UGGT2: variants seen among roughly 807,000 people sequenced by gnomAD.
UGGT2 encodes the protein UDP-glucose:glycoprotein glucosyltransferase 2.
Under a neutral mutation model 192.1 loss-of-function variants are expected in UGGT2, and 180 were observed. That is an observed-to-expected ratio of 0.94 (90% CI 0.83 to 1.06). The LOEUF is 1.06. UGGT2 is among the 50% of genes least tolerant of loss of function. The pLI is 0.00. For synonymous variants in UGGT2, 580 were observed against 591.0 expected, an observed-to-expected ratio of 0.98 and a Z score of 0.27; for missense variants, 1,849 against 1,795.7, an observed-to-expected ratio of 1.03 and a Z score of -0.54.
At chr13:96,021,398 A>G (rs2052510949) in intron 4 of UGGT2, among the ~76,000 whole-genome samples, 1 of 152,204 alleles carries the variant, frequency 6.6e-6, no homozygotes, top group Admixed American at 6.5e-5. Context: ...TTTCCTTTAA[A>G]AGATGCACTA....
intron 22 of UGGT2, among the ~76,000 whole-genome samples, chr13:95,899,785 C>T (rs1021450984): frequency 1.3e-5 from 2 of 152,094 alleles, no homozygotes; most frequent in Non-Finnish European, 1.5e-5. Context: ...CAGAGCTCTA[C>T]ATATCTCACT....
chr13:95,920,462 G>T (rs945458392), intron 20 of UGGT2, among the ~76,000 whole-genome samples: 1 of 151,548 alleles, frequency 6.6e-6, no homozygotes, highest in Non-Finnish European at 1.5e-5. Context: ...TCTGACCAAG[G>T]TCTAATATCC....
chr13:95,930,575 G>A (rs1389264402), intron 17 of UGGT2, among the ~76,000 whole-genome samples: 2 of 152,078 alleles, frequency 1.3e-5, no homozygotes, highest in Non-Finnish European at 2.9e-5. Context: ...GTAGGTGTGT[G>A]GCTTTATTTC....
intron 31 of UGGT2, among the ~76,000 whole-genome samples, chr13:95,861,191 G>A (rs879901794): frequency 3.9e-5 from 6 of 151,998 alleles, no homozygotes; most frequent in Non-Finnish European, 8.8e-5. Flanking sequence ...GCTTGACATG[G>A]CCATATCTAG....
At chr13:95,996,898 T>C (rs2051640754) in intron 6 of UGGT2, among the ~76,000 whole-genome samples, 1 of 152,196 alleles carries the variant, frequency 6.6e-6, no homozygotes, top group Non-Finnish European at 1.5e-5. Flanking sequence ...TTTATAGTCA[T>C]TTCCCTTCTC....
In UGGT2 at chr13:95,986,366, T is replaced by C; in HGVS notation, c.998A>G (p.Lys333Arg). 1.9e-6 allele frequency: 3 copies of C among 1,604,848 alleles called. No individual in the cohort carries two copies. The highest frequency in any genetic ancestry group is 2.6e-6 in the Non-Finnish European group (3 of 1,173,300). The change falls in exon 9 of 39, where the codon AAA (lysine) becomes AGA (arginine). Residue 333 changes from lysine to arginine, a missense_variant. Physicochemically the swap from Lys to Arg is conservative, Grantham distance 26 (BLOSUM62 2). Transcript: ENST00000376747. ...APVYDSIKLM[K>R]DISQNFPIKA... Reference sequence around the variant, plus strand: ...TATGGGGAAGTTCTGTGAAATGTCTTTCATTAATTTAATGGAATCATAAAC... The same window carrying C: ...TATGGGGAAGTTCTGTGAAATGTCTCTCATTAATTTAATGGAATCATAAAC...
chr13:95,834,325 G>T (rs1254175880), intron 37 of UGGT2, among the ~76,000 whole-genome samples: 2 of 152,008 alleles, frequency 1.3e-5, no homozygotes, highest in Non-Finnish European at 2.9e-5. Flanking sequence ...GGCAAAGTCT[G>T]GAGAAAATGT....
intron 1 of UGGT2, among the ~76,000 whole-genome samples, chr13:96,039,093 C>A (rs1202473640): frequency 1.3e-5 from 2 of 152,170 alleles, no homozygotes; most frequent in African/African-American, 2.4e-5. Flanking sequence ...TCCAGCAGGG[C>A]AAATTTCCAT....
chr13:95,860,572 T>C (rs1228096251), intron 32 of UGGT2, among the ~76,000 whole-genome samples: 3 of 150,460 alleles, frequency 2.0e-5, no homozygotes, highest in African/African-American at 7.3e-5. Flanking sequence ...AATAAATAAA[T>C]ATACACATAT....
In UGGT2 at chr13:95,863,657, T is replaced by G; in HGVS notation, c.3616A>C (p.Thr1206Pro). The G allele has an allele frequency of 6.2e-7, 1 of 1,612,524 alleles. No homozygotes were observed. Among genetic ancestry groups the G allele is most frequent in the Non-Finnish European group, 8.5e-7 (1 of 1,178,870 alleles). The change falls in exon 31 of 39, where the codon ACA becomes CCA. Residue 1206 changes from threonine to proline, a missense_variant. By Grantham distance (38) the Thr-to-Pro change is conservative. Transcript: ENST00000376747. ...EDILTDEDEK[T>P]KGLWDSIKSF... ...TTAATGGAATCCCACAGTCCTTTTG[T>G]TTTTTCATCTTCATCGGTAAGGATA...
At chr13:95,938,934 C>T (rs182495974) in intron 16 of UGGT2, among the ~76,000 whole-genome samples, 1 of 151,960 alleles carries the variant, frequency 6.6e-6, no homozygotes, top group East Asian at 1.9e-4. Context: ...TACTCCTCCC[C>T]ACCAACAATC....
intron 9 of UGGT2, among the ~76,000 whole-genome samples, chr13:95,984,442 C>T (rs2051227671): frequency 6.6e-6 from 1 of 152,112 alleles, no homozygotes; most frequent in African/African-American, 2.4e-5. Context: ...GATTCTCCTG[C>T]CTCAGCCTCT....
At position 95,890,940 on chromosome 13, in the gene UGGT2, C is replaced by A. The variant is rs760790724; in HGVS notation, c.2880G>T (p.Glu960Asp). 3 of 1,612,002 alleles carry A rather than the reference C, an allele frequency of 1.9e-6. No homozygotes were observed. Among genetic ancestry groups the A allele is most frequent in the East Asian group, 4.5e-5 (2 of 44,752 alleles). Reference protein sequence around the residue: ...NHSVIKTNPQENDMFFNVIAI... With the variant: ...NHSVIKTNPQDNDMFFNVIAI... ...CAATGACATTGAAGAACATATCATTCTCTTGAGGATTCGTCTTTATAACAC... is the reference window on the plus strand; with the variant it reads ...CAATGACATTGAAGAACATATCATTATCTTGAGGATTCGTCTTTATAACAC... Residue 960 changes from glutamate (E) to aspartate (D), a missense_variant, in exon 25 of 39, where the codon GAG (glutamate) becomes GAT (aspartate). Glu to Asp is a conservative substitution (Grantham distance 45). Transcript: ENST00000376747.
At chr13:95,931,498 G>A (rs1161334128) in intron 17 of UGGT2, among the ~76,000 whole-genome samples, 6 of 151,770 alleles carry the variant, frequency 4.0e-5, no homozygotes, top group East Asian at 2.0e-4. Flanking sequence ...GGCAGCACTC[G>A]TCGGGGAGGC....
intron 36 of UGGT2, among the ~76,000 whole-genome samples, chr13:95,845,981 T>C (rs1033565739): frequency 2.2e-5 from 3 of 137,518 alleles, no homozygotes; most frequent in Non-Finnish European, 4.7e-5. Context: ...TCCCAGATGA[T>C]GGGCGGCCAG....
At chr13:95,831,630 G>A (rs1167578430) in intron 38 of UGGT2, among the ~76,000 whole-genome samples, 1 of 151,986 alleles carries the variant, frequency 6.6e-6, no homozygotes, top group East Asian at 1.9e-4. Context: ...ATTGCTGGGT[G>A]AAAGGGTATA....
chr13:95,854,505 A>C, intron 34 of UGGT2, 30 bp from the exon 35 acceptor site: 1 of 1,548,272 alleles, frequency 6.5e-7, no homozygotes, highest in East Asian at 2.3e-5. Context: ...TGTCTGATAA[A>C]GACTGTAAAA....
At chr13:95,891,635 G>T (rs894143981) in intron 24 of UGGT2, among the ~76,000 whole-genome samples, 2 of 152,082 alleles carry the variant, frequency 1.3e-5, no homozygotes, top group African/African-American at 2.4e-5. Context: ...ATGTATATTT[G>T]ATTAAAAGCA....
intron 36 of UGGT2, 41 bp downstream of exon 36, chr13:95,853,484 CGGAGTTGGAACAGTCTAT>C (rs1408389825): frequency 6.6e-6 from 9 of 1,354,030 alleles, no homozygotes; most frequent in Middle Eastern, 1.8e-4. Flanking sequence ...TTTATGAGCA[CGGAGTTGGAACAGTCTAT>C]GTACACACAC....
Sources: allele counts gnomAD v4.1 joint callset (sites outside exome capture counted in the v4.1 genomes callset), GRCh38; gene constraint gnomAD v4.1.1; transcripts MANE v1.5; gene names NCBI Gene and HGNC (gene_info 2026-07-23, HGNC 2026-07-21).